The following ZZEF1 variants were observed in gnomAD, a reference collection of about 807,000 sequenced individuals.
The protein encoded by ZZEF1 is zinc finger ZZ-type and EF-hand domain containing 1.
Under a neutral mutation model 342.8 loss-of-function variants are expected in ZZEF1, and 157 were observed. That is an observed-to-expected ratio of 0.46 (90% confidence interval 0.40 to 0.52). The LOEUF (loss-of-function observed/expected upper bound fraction) is 0.52, where lower values mean the gene tolerates loss of function less well. Ranked by LOEUF, ZZEF1 falls within the 20% of genes least tolerant of loss-of-function variation. ZZEF1 has a pLI of 0.00. For synonymous variants in ZZEF1, 1,505 were observed against 1,429.1 expected, an observed-to-expected ratio of 1.05 and a Z score of -1.20; for missense variants, 3,480 against 3,725.6, an observed-to-expected ratio of 0.93 and a Z score of 1.72.
At chr17:4,044,194 A>G in intron 38 of ZZEF1, 30 bp downstream of exon 38, 1 of 1,610,110 alleles carries the variant, frequency 6.2e-7, no homozygotes, top group East Asian at 2.2e-5. Context: ...AAGATGAAAG[A>G]GATGAAGATA....
In ZZEF1 at chr17:4,077,822, G is replaced by C. The variant is rs143253744; in HGVS notation, c.2989+61C>G. On this transcript the variant is annotated intron_variant, in intron 19 of 54. Transcript: ENST00000381638. ...TCATTGCATGAGTTACTAAAGAAGA[G>C]AACACTCAGAGTCAAAACCCAAACG... The C allele has an allele frequency of 3.1e-5, 48 of 1,564,898 alleles. No homozygotes were observed. In the African/African-American group the frequency reaches 5.1e-4, roughly 17 times the overall value.
intron 1 of ZZEF1, among the ~76,000 whole-genome samples, chr17:4,133,363 A>C (rs1288010253): frequency 6.6e-6 from 1 of 152,184 alleles, no homozygotes; most frequent in African/African-American, 2.4e-5. Context: ...TAGTGTTTGC[A>C]TCCAAGGCTT....
At chr17:4,116,273 T>C (rs1352717281) in intron 3 of ZZEF1, among the ~76,000 whole-genome samples, 3 of 152,214 alleles carry the variant, frequency 2.0e-5, no homozygotes, top group African/African-American at 4.8e-5. Flanking sequence ...GATCACGCCA[T>C]TGCACTTCAG....
chr17:4,005,526 C>T lies in ZZEF1; in HGVS notation c.*1364G>A, dbSNP rs950976232. On this transcript the variant is annotated 3_prime_UTR_variant, in exon 55 of 55. Coordinates refer to ENST00000381638, the MANE Select transcript of ZZEF1 (RefSeq NM_015113.4). Reference sequence around the variant, plus strand: ...TGTAGGGCTGTGAAGCCCGCTGCACCTTGGAGTCCTGACCCAGAAGGCGAA... The same window carrying T: ...TGTAGGGCTGTGAAGCCCGCTGCACTTTGGAGTCCTGACCCAGAAGGCGAA... 1 of 152,406 alleles carries T rather than the reference C, an allele frequency of 6.6e-6. No homozygotes were observed. The highest frequency in any genetic ancestry group is 2.1e-4 in the South Asian group (1 of 4,836). 9.4% of individuals were successfully genotyped at this position (152,406 alleles called of 1,614,324 possible).
rs184062269 is a variant in ZZEF1 at position 4,031,483 on chromosome 17, A to C, written c.6892+643T>G. ...GATTCCAAGATAATTGGATGGAGAA[A>C]GGATGGCCTGTTCAACAAATGGTCC... On this transcript the variant is annotated intron_variant, in intron 42 of 54. Transcript: ENST00000381638. Among the ~76,000 whole-genome samples the C allele has an allele frequency of 5.0e-3, 769 of 152,322 alleles. 2 individuals are homozygous for C. The highest frequency in any genetic ancestry group is 6.8e-3 in the Middle Eastern group (2 of 294).
rs766525900 is a variant in ZZEF1 at position 4,051,995 on chromosome 17, T to C, written c.5576A>G (p.Tyr1859Cys). The C allele has an allele frequency of 5.6e-6, 9 of 1,614,032 alleles. No homozygotes were observed. Among genetic ancestry groups the C allele is most frequent in the African/African-American group, 4.0e-5 (3 of 74,926 alleles). The part of the protein sequence containing the change: ...CDDFDLCYGC[Y>C]AAKKYSYGHL... ...CCCGTAGGAGTATTTCTTCGCTGCA[T>C]AGCATCCGTAGCAAAGATCAAAGTC... is the stretch of plus-strand genomic sequence containing the variant. Residue 1859 changes from tyrosine (Y) to cysteine (C), a missense_variant, in exon 35 of 55, where the codon TAT becomes TGT. Tyr to Cys is a radical substitution (Grantham distance 194). Coordinates refer to ENST00000381638, the MANE Select transcript of ZZEF1 (RefSeq NM_015113.4).
At chr17:4,096,169 A>G (rs1264744968) in intron 10 of ZZEF1, among the ~76,000 whole-genome samples, 190 bp from the exon 11 acceptor site, 5 of 152,204 alleles carry the variant, frequency 3.3e-5, no homozygotes, top group Non-Finnish European at 7.3e-5. Flanking sequence ...CTCAATCCTT[A>G]TATTCTCACC....
rs959817939 is a variant in ZZEF1 at position 4,075,334 on chromosome 17, T to C, written c.3330A>G (p.Val1110=). The change falls in exon 22 of 55, where the codon GTA becomes GTG. Residue 1110 remains valine, a synonymous_variant. Transcript: ENST00000381638. ...TTGCCCCTGGGCTAACAAAGACGGA[T>C]ACCTCATGGCAATTATTTTCATAGT... ...AHNYENNCHE[V]SVFVSPGATY... is the part of the protein sequence containing the mutation. The C allele has an allele frequency of 5.0e-6, 8 of 1,614,236 alleles. No homozygotes were observed. Among genetic ancestry groups the C allele is most frequent in the Admixed American group, 1.7e-5 (1 of 60,016 alleles).
intron 39 of ZZEF1, 51 bp from the exon 40 acceptor site, chr17:4,034,343 A>C: frequency 6.3e-7 from 1 of 1,591,688 alleles, no homozygotes; most frequent in South Asian, 1.1e-5. Flanking sequence ...ACATAACCAA[A>C]CTTGCTAAAT....
chr17:4,054,158 T>C lies in ZZEF1; in HGVS notation c.5333A>G (p.Asn1778Ser). 2.5e-6 allele frequency: 4 copies of C among 1,614,018 alleles called. No homozygotes were observed. Among genetic ancestry groups the C allele is most frequent in the Non-Finnish European group, 3.4e-6 (4 of 1,179,960 alleles). ...MFIARYCDLL[N>S]VDISCDGCDE... ...ACACCCATCACAAGAGATGTCCACA[T>C]TTAACAGGTCACAGTAGCGAGCAAT... is the stretch of plus-strand genomic sequence containing the variant. Residue 1778 changes from asparagine to serine, a missense_variant, in exon 34 of 55, where the codon AAT becomes AGT. Around this residue, in one of 5 missense-constraint regions of ZZEF1, gnomAD observed 175 missense variants for 254.6 expected, o/e 0.69. Coordinates refer to ENST00000381638, the MANE Select transcript of ZZEF1 (RefSeq NM_015113.4).
intron 26 of ZZEF1, among the ~76,000 whole-genome samples, chr17:4,069,648 G>A (rs1016728234): frequency 6.6e-6 from 1 of 152,212 alleles, no homozygotes; most frequent in Non-Finnish European, 1.5e-5. Flanking sequence ...CTGGCCAACA[G>A]GGCGAAACCC....
chr17:4,081,912 T>A lies in ZZEF1; in HGVS notation c.2715-422A>T, dbSNP rs2057730888. Among the ~76,000 whole-genome samples, 3 of 152,228 alleles carry A rather than the reference T, an allele frequency of 2.0e-5. No homozygotes were observed. The South Asian group carries it at 6.2e-4, about 31-fold the overall frequency. ...CATTTTAAACAGACAGCCCTCTAAG[T>A]CTGGCATCCATACCAGGTATAGTCT... On this transcript the variant is annotated intron_variant, in intron 17 of 54. Coordinates refer to ENST00000381638, the MANE Select transcript of ZZEF1 (RefSeq NM_015113.4).
chr17:4,062,115 C>G (rs59572568), intron 30 of ZZEF1, among the ~76,000 whole-genome samples: 8,686 of 152,064 alleles, frequency 0.057, 825 homozygotes, highest in African/African-American at 0.2. Context: ...TAACTCCCCC[C>G]CTGGAGCCTC....
In ZZEF1 at chr17:4,143,004, G is replaced by A. The variant is rs982152462; in HGVS notation, c.-109C>T. 1.6e-6 allele frequency: 2 copies of A among 1,269,800 alleles called. No homozygotes were observed. The highest frequency in any genetic ancestry group is 3.2e-5 in the East Asian group (1 of 31,436). The allele number at this position is 1,269,800 out of a possible 1,614,324, so 78.7% of individuals were successfully genotyped here. On this transcript the variant is annotated 5_prime_UTR_variant, in exon 1 of 55. Coordinates refer to ENST00000381638, the MANE Select transcript of ZZEF1 (RefSeq NM_015113.4). ...CGGGCGGGGACGCGGAGGAGACGAC[G>A]GCGGCCCCTGCGGCTTCCGGCTTCC...
At chr17:4,035,056 T>C (rs971375804) in intron 39 of ZZEF1, among the ~76,000 whole-genome samples, 2 of 152,226 alleles carry the variant, frequency 1.3e-5, no homozygotes, top group East Asian at 1.9e-4. Flanking sequence ...TGTATGTATA[T>C]GTAAAATAAA....
chr17:4,054,152 T>C lies in ZZEF1; in HGVS notation c.5339A>G (p.Asp1780Gly), dbSNP rs2057107691. 6.2e-7 allele frequency: 1 copy of C among 1,613,872 alleles called. No homozygotes were observed. Among genetic ancestry groups the C allele is most frequent in the Non-Finnish European group, 8.5e-7 (1 of 1,179,934 alleles). ...CTCATCACACCCATCACAAGAGATG[T>C]CCACATTTAACAGGTCACAGTAGCG... ...IARYCDLLNV[D>G]ISCDGCDEIA... Residue 1780 changes from aspartate (D) to glycine (G), a missense_variant, in exon 34 of 55, where the codon GAC becomes GGC. Transcript: ENST00000381638.
chr17:4,070,619 G>A, intron 26 of ZZEF1, 65 bp downstream of exon 26: 1 of 1,529,370 alleles, frequency 6.5e-7, no homozygotes, highest in Non-Finnish European at 8.9e-7. Flanking sequence ...GTTCACTTAA[G>A]ATAGGCTTTC....
intron 1 of ZZEF1, among the ~76,000 whole-genome samples, chr17:4,126,860 C>G (rs1461809989): frequency 1.3e-5 from 2 of 152,046 alleles, no homozygotes; most frequent in African/African-American, 2.4e-5. Flanking sequence ...CCAGCTACTC[C>G]AGAGGCTGAG....
At chr17:4,035,177 G>A (rs2056633870) in intron 39 of ZZEF1, among the ~76,000 whole-genome samples, 1 of 152,002 alleles carries the variant, frequency 6.6e-6, no homozygotes, top group Non-Finnish European at 1.5e-5. Flanking sequence ...AAACGGCCTG[G>A]TACAAACATT....
Sources: gnomAD v4.1 joint callset for allele counts (sites outside exome capture counted in the v4.1 genomes callset) on GRCh38, gnomAD v4.1.1 for gene constraint, gnomAD v4.1.1 regional missense constraint, MANE v1.5 for transcripts, NCBI Gene and HGNC (gene_info 2026-07-23, HGNC 2026-07-21) for gene names.